DLGAP2: variants seen among roughly 807,000 people sequenced by gnomAD.
The protein encoded by DLGAP2 is disks large-associated protein 2.
DLGAP2 carries 26 observed loss-of-function variants against 100.3 expected under a neutral mutation model. The ratio of observed to expected loss-of-function variants is 0.26; its 90% CI spans 0.19 to 0.36. The LOEUF (loss-of-function observed/expected upper bound fraction) is 0.36. Among genes scored for constraint, DLGAP2 ranks in the 10% least tolerant of loss-of-function variants. DLGAP2 has a pLI of 1.00. For synonymous variants in DLGAP2, 886 were observed against 630.1 expected (o/e 1.41, Z -6.08); for missense variants, 1,858 against 1,453.2 (o/e 1.28, Z -4.53).
intron 4 of DLGAP2, among the ~76,000 whole-genome samples, chr8:1,516,327 A>G (rs1488250095): frequency 6.7e-6 from 1 of 149,950 alleles, no homozygotes; most frequent in Non-Finnish European, 1.5e-5. Flanking sequence ...GAGGGAGTGA[A>G]TGAGTTCATG....
intron 3 of DLGAP2, among the ~76,000 whole-genome samples, chr8:1,353,404 T>TA (rs1206208951): frequency 6.6e-6 from 1 of 152,218 alleles, no homozygotes. Flanking sequence ...TTGCTTTCAG[T>TA]ACCATGGTCA....
intron 3 of DLGAP2, among the ~76,000 whole-genome samples, chr8:1,438,067 T>G (rs545952216): frequency 7.9e-5 from 12 of 152,064 alleles, no homozygotes; most frequent in Admixed American, 7.2e-4. Context: ...ATTTCTCGAG[T>G]TGTGGGCTGT....
chr8:1,047,586 G>A (rs1286530280), intron 2 of DLGAP2, among the ~76,000 whole-genome samples: 6 of 152,148 alleles, frequency 3.9e-5, no homozygotes, highest in African/African-American at 1.4e-4. Context: ...CCAAGGTTCT[G>A]GGGTATGGAA....
chr8:1,316,684 A>G (rs1423003798), intron 3 of DLGAP2, among the ~76,000 whole-genome samples: 2 of 142,482 alleles, frequency 1.4e-5, no homozygotes, highest in South Asian at 2.3e-4. Context: ...TTTTAAAAAT[A>G]CAGCGTGCGT....
At chr8:1,530,115 C>T (rs1052908737) in intron 4 of DLGAP2, among the ~76,000 whole-genome samples, 1 of 152,138 alleles carries the variant, frequency 6.6e-6, no homozygotes, top group Non-Finnish European at 1.5e-5. Flanking sequence ...ATCAACCGGT[C>T]TGATCAAAAT....
At chr8:782,231 A>G (rs1240726091) in intron 1 of DLGAP2, among the ~76,000 whole-genome samples, 4 of 141,652 alleles carry the variant, frequency 2.8e-5, no homozygotes, top group Non-Finnish European at 4.9e-5. Flanking sequence ...GAGCTTTAAA[A>G]AAAATTAAAA....
At chr8:1,173,000 A>G (rs1289586797) in intron 2 of DLGAP2, among the ~76,000 whole-genome samples, 3 of 151,598 alleles carry the variant, frequency 2.0e-5, no homozygotes, top group Admixed American at 6.6e-5. Context: ...TTTTTTCCCC[A>G]TCTTTGTGGT....
intron 4 of DLGAP2, among the ~76,000 whole-genome samples, chr8:1,532,484 A>C (rs1361325197): frequency 1.4e-4 from 22 of 152,172 alleles, no homozygotes; most frequent in Admixed American, 1.4e-3. Flanking sequence ...GAGTATTTTC[A>C]TATGGAATAC....
At chr8:1,100,528 GCA>G in intron 2 of DLGAP2, among the ~76,000 whole-genome samples, 1 of 152,124 alleles carries the variant, frequency 6.6e-6, no homozygotes, top group East Asian at 1.9e-4. Flanking sequence ...GTGTGTGCGT[GCA>G]CGTGCCTACC....
intron 2 of DLGAP2, among the ~76,000 whole-genome samples, chr8:960,530 C>T (rs917466753): frequency 3.3e-5 from 5 of 152,022 alleles, no homozygotes; most frequent in African/African-American, 1.2e-4. Context: ...CCACCACTCC[C>T]GGCCCTGAAT....
intron 6 of DLGAP2, among the ~76,000 whole-genome samples, chr8:1,601,309 A>C (rs564628217): frequency 1.3e-5 from 2 of 152,238 alleles, no homozygotes; most frequent in Non-Finnish European, 2.9e-5. Flanking sequence ...GTGTCTGTTG[A>C]TCCCTGCTGG....
intron 3 of DLGAP2, among the ~76,000 whole-genome samples, chr8:1,490,915 T>G (rs34681625): frequency 4.1e-5 from 6 of 147,214 alleles, no homozygotes; most frequent in African/African-American, 1.2e-4. Flanking sequence ...AGGAGATATA[T>G]CTAATGCTAA....
At chr8:1,297,206 G>GGT (rs1800201674) in intron 3 of DLGAP2, 1 of 152,236 alleles carries the variant, frequency 6.6e-6, no homozygotes, top group African/African-American at 2.4e-5. Context: ...TGGACCTCCA[G>GGT]GTAGTGAGTT....
chr8:1,149,313 T>A (rs951945104), intron 2 of DLGAP2, among the ~76,000 whole-genome samples: 42 of 151,932 alleles, frequency 2.8e-4, no homozygotes, highest in African/African-American at 9.4e-4. Flanking sequence ...ACCCGGCTAA[T>A]TTTTTTTGTA....
chr8:1,437,337 A>C (rs1797672274), intron 3 of DLGAP2, among the ~76,000 whole-genome samples: 2 of 152,242 alleles, frequency 1.3e-5, no homozygotes, highest in African/African-American at 4.8e-5. Context: ...CACAATGCTC[A>C]CACAACCACG....
intron 2 of DLGAP2, among the ~76,000 whole-genome samples, chr8:1,062,746 C>G (rs1445885120): frequency 6.6e-6 from 1 of 152,086 alleles, no homozygotes; most frequent in Non-Finnish European, 1.5e-5. Flanking sequence ...TGGGGGGAGA[C>G]TAGTATGACT....
At chr8:1,027,221 G>GCATATAATCACAAAAA (rs1801825218) in intron 2 of DLGAP2, among the ~76,000 whole-genome samples, 1 of 152,236 alleles carries the variant, frequency 6.6e-6, no homozygotes, top group Admixed American at 6.5e-5. Context: ...TTATAACAAA[G>GCATATAATCACAAAAA]TTAGCATATT....
At chr8:1,685,830 A>G (rs1333796035) in intron 12 of DLGAP2, among the ~76,000 whole-genome samples, 1 of 152,216 alleles carries the variant, frequency 6.6e-6, no homozygotes, top group Non-Finnish European at 1.5e-5. Context: ...CAAAAGATTC[A>G]CCACCACTAA....
At chr8:901,997 T>C (rs949877022) in intron 1 of DLGAP2, among the ~76,000 whole-genome samples, 1 of 152,104 alleles carries the variant, frequency 6.6e-6, no homozygotes, top group African/African-American at 2.4e-5. Flanking sequence ...ACCCCACCTG[T>C]GAGGTTCTGT....
Sources: gnomAD v4.1 joint callset for allele counts (sites outside exome capture counted in the v4.1 genomes callset) on GRCh38, gnomAD v4.1.1 for gene constraint, MANE v1.5 for transcripts, NCBI Gene and HGNC (gene_info 2026-07-23, HGNC 2026-07-21) for gene names.